Variants in ZBED3 observed in about 807,000 individuals in gnomAD.
The protein encoded by ZBED3 is zinc finger BED-type containing 3, also known as zinc finger BED domain-containing protein 3.
For synonymous variants in ZBED3, 175 were observed against 180.0 expected (o/e 0.97, Z 0.22); for missense variants, 388 against 362.9 (o/e 1.07, Z -0.56).
Position 77,076,998 on chromosome 5 carries a change from G to A in ZBED3, c.*176C>T, listed in dbSNP as rs1743017738. 6.4e-6 allele frequency: 3 copies of A among 466,264 alleles called. No homozygotes were observed. Among genetic ancestry groups the A allele is most frequent in the Non-Finnish European group, 6.9e-6 (2 of 289,710 alleles). 28.9% of individuals were successfully genotyped at this position (466,264 alleles called of 1,614,324 possible). On this transcript the variant is annotated 3_prime_UTR_variant, in exon 3 of 3. Coordinates refer to ENST00000255198, the MANE Select transcript of ZBED3 (RefSeq NM_032367.4). ...TGAGTTTTGGTTCTGCTCTGGCTTC[G>A]AAGTGCTTCTCAAGCTGAAGCCTTA...
At chr5:77,080,798 G>A (rs960177570) in intron 1 of ZBED3, among the ~76,000 whole-genome samples, 3 of 152,226 alleles carry the variant, frequency 2.0e-5, no homozygotes, top group South Asian at 2.1e-4. Context: ...GTGGGGTGGC[G>A]TGGGAGGGAT....
Position 77,075,934 on chromosome 5 carries a change from A to ATT in ZBED3, c.*1238_*1239dup, listed in dbSNP as rs1233808881. 1,672 of 55,216 alleles carry ATT rather than the reference A, an allele frequency of 0.03. 319 individuals are homozygous for ATT. The highest frequency in any genetic ancestry group is 0.063 in the East Asian group (138 of 2,180). 3.4% of individuals were successfully genotyped at this position (55,216 alleles called of 1,614,324 possible). On this transcript the variant is annotated 3_prime_UTR_variant, in exon 3 of 3. Transcript: ENST00000255198. ...TGACATGCACCCTAGAACTTAAAGT[A>ATT]TTATATATACATATATATATATATA...
chr5:77,084,154 T>C lies in ZBED3; in HGVS notation c.-153+2957A>G, dbSNP rs542164543. Reference sequence around the variant, plus strand: ...CAAGCATTCCAAGAGGAACGTCACATAGTCTTTGCCCTCAGGAAGCGTACG... The same window carrying C: ...CAAGCATTCCAAGAGGAACGTCACACAGTCTTTGCCCTCAGGAAGCGTACG... On this transcript the variant is annotated intron_variant, in intron 1 of 2. Coordinates refer to ENST00000255198, the MANE Select transcript of ZBED3 (RefSeq NM_032367.4). Among the ~76,000 whole-genome samples, 9 of 152,178 alleles carry C rather than the reference T, an allele frequency of 5.9e-5. 1 individual carries two copies. The highest frequency in any genetic ancestry group is 1.3e-4 in the Non-Finnish European group (9 of 68,036).
rs1347543493 is a variant in ZBED3 at position 77,077,570 on chromosome 5, GC to G, written c.308del (p.Ser103ThrfsTer97). The G allele has an allele frequency of 7.8e-7, 1 of 1,287,860 alleles. No homozygotes were observed. Among genetic ancestry groups the G allele is most frequent in the Non-Finnish European group, 9.8e-7 (1 of 1,019,096 alleles). 79.8% of individuals were successfully genotyped at this position (1,287,860 alleles called of 1,614,324 possible). ...LRSAHRRELE[S>X]SGAGSSPPAA... The stretch of plus-strand genomic sequence containing the variant: ...CAGGTGGGGAGCTCCCGGCGCCGCT[GC>G]TCTCCAGCTCCCGCCGGTGCGCGCT... On this transcript the variant is annotated frameshift_variant, in exon 3 of 3. Coordinates refer to ENST00000255198, the MANE Select transcript of ZBED3 (RefSeq NM_032367.4). LOFTEE classifies it low-confidence loss of function (END_TRUNC).
At position 77,075,969 on chromosome 5, in the gene ZBED3, A is replaced by ATGTATATATGTATATATATG. The variant is rs1554048027; in HGVS notation, c.*1204_*1205insCATATATATACATATATACA. 5.0e-5 allele frequency: 1 copy of ATGTATATATGTATATATATG among 20,146 alleles called. No individual in the cohort carries two copies. The highest frequency in any genetic ancestry group is 9.9e-5 in the Non-Finnish European group (1 of 10,134). 1.2% of individuals were successfully genotyped at this position (20,146 alleles called of 1,614,324 possible). A position where few individuals can be genotyped will look rare whatever the true frequency, so the allele number is the denominator to read the frequency against. ...CATATATATATATATATATATATGT[A>ATGTATATATGTATATATATG]TATGTATATATGTATATATATATGT... On this transcript the variant is annotated 3_prime_UTR_variant, in exon 3 of 3. Coordinates refer to ENST00000255198, the MANE Select transcript of ZBED3 (RefSeq NM_032367.4).
In ZBED3 at chr5:77,077,400, C is replaced by T. The variant is rs1256859897; in HGVS notation, c.479G>A (p.Gly160Asp). ...CCGCCTCCGCTCCAGGGCGCGCTCGCCCTGCTCCACGGCCAGCTCGCGCCG... is the reference window on the plus strand; with the variant it reads ...CCGCCTCCGCTCCAGGGCGCGCTCGTCCTGCTCCACGGCCAGCTCGCGCCG... ...LERRELAVEQ[G>D]ERALERRRRA... Residue 160 changes from glycine to aspartate, a missense_variant, in exon 3 of 3, where the codon GGC becomes GAC. Coordinates refer to ENST00000255198, the MANE Select transcript of ZBED3 (RefSeq NM_032367.4). 11 of 1,250,674 alleles carry T rather than the reference C, an allele frequency of 8.8e-6. No homozygotes were observed. The highest frequency in any genetic ancestry group is 1.6e-5 in the African/African-American group (1 of 63,544). 77.5% of individuals were successfully genotyped at this position (1,250,674 alleles called of 1,614,324 possible). A position where few individuals can be genotyped will look rare whatever the true frequency, so the allele number is the denominator to read the frequency against.
Position 77,077,722 on chromosome 5 carries a change from G to A in ZBED3, c.157C>T (p.His53Tyr). The A allele has an allele frequency of 7.4e-7, 1 of 1,351,408 alleles. No individual in the cohort carries two copies. The highest frequency in any genetic ancestry group is 9.5e-7 in the Non-Finnish European group (1 of 1,056,480). The allele number at this position is 1,351,408 out of a possible 1,614,324, so 83.7% of individuals were successfully genotyped here. Reference sequence around the variant, plus strand: ...TGCCCGGGGCGCCCCGGCGCCAGGTGGAAGTAGCCCCAGGCCTCGGAGTAT... The same window carrying A: ...TGCCCGGGGCGCCCCGGCGCCAGGTAGAAGTAGCCCCAGGCCTCGGAGTAT... ...APYSEAWGYF[H>Y]LAPGRPGHPS... Residue 53 changes from histidine (H) to tyrosine (Y), a missense_variant, in exon 3 of 3, where the codon CAC (histidine) becomes TAC (tyrosine). Coordinates refer to ENST00000255198, the MANE Select transcript of ZBED3 (RefSeq NM_032367.4).
intron 2 of ZBED3, among the ~76,000 whole-genome samples, chr5:77,078,167 CG>C (rs1743064525): frequency 6.6e-6 from 1 of 152,186 alleles, no homozygotes; most frequent in Non-Finnish European, 1.5e-5. Flanking sequence ...ATTCTAATAG[CG>C]GGAGGCTAAG....
chr5:77,081,652 CATGTCATTAATTCTGTGGTTAGCTA>C (rs1401250258), intron 1 of ZBED3, among the ~76,000 whole-genome samples: 1 of 152,094 alleles, frequency 6.6e-6, no homozygotes, highest in Non-Finnish European at 1.5e-5. Flanking sequence ...AATGAGAATG[CATGTCATTAATTCTGTGGTTAGCTA>C]ATAAGAAGAA....
intron 1 of ZBED3, among the ~76,000 whole-genome samples, chr5:77,083,258 C>T (rs1743168287): frequency 6.6e-6 from 1 of 152,230 alleles, no homozygotes; most frequent in Admixed American, 6.5e-5. Context: ...CATGGGGAAG[C>T]CCACTGCTGC....
chr5:77,079,987 T>A (rs866767724), intron 1 of ZBED3, among the ~76,000 whole-genome samples: 1 of 152,236 alleles, frequency 6.6e-6, no homozygotes, highest in Non-Finnish European at 1.5e-5. Context: ...TTGAATCTGA[T>A]CTTTCCTGAG....
intron 1 of ZBED3, among the ~76,000 whole-genome samples, chr5:77,079,963 T>C (rs1461864080): frequency 6.6e-6 from 1 of 152,236 alleles, no homozygotes; most frequent in East Asian, 1.9e-4. Flanking sequence ...TTAAAATTTC[T>C]ATTTCCTTCT....
At chr5:77,084,866 T>C (rs1743206512) in intron 1 of ZBED3, among the ~76,000 whole-genome samples, 1 of 152,242 alleles carries the variant, frequency 6.6e-6, no homozygotes, top group East Asian at 1.9e-4. Context: ...TCCAAGCTCC[T>C]ATTTTAAAAG....
In ZBED3 at chr5:77,075,935, T is replaced by TTTTATATATATA. The variant is rs1554047999; in HGVS notation, c.*1238_*1239insTATATATATAAA. The TTTTATATATATA allele has an allele frequency of 1.9e-4, 4 of 21,164 alleles. 1 individual carries two copies. Among genetic ancestry groups the TTTTATATATATA allele is most frequent in the East Asian group, 1.7e-3 (2 of 1,184 alleles). The allele number at this position is 21,164 out of a possible 1,614,324, so 1.3% of individuals were successfully genotyped here. A position where few individuals can be genotyped will look rare whatever the true frequency, so the allele number is the denominator to read the frequency against. On this transcript the variant is annotated 3_prime_UTR_variant, in exon 3 of 3. Transcript: ENST00000255198. ...GACATGCACCCTAGAACTTAAAGTA[T>TTTTATATATATA]TATATATACATATATATATATATAT...
intron 1 of ZBED3, among the ~76,000 whole-genome samples, chr5:77,079,983 C>T (rs1743097462): frequency 6.6e-6 from 1 of 152,124 alleles, no homozygotes; most frequent in Non-Finnish European, 1.5e-5. Context: ...TATATTGAAT[C>T]TGATCTTTCC....
intron 2 of ZBED3, 56 bp from the exon 3 acceptor site, chr5:77,077,951 G>A: frequency 8.5e-7 from 1 of 1,173,978 alleles, no homozygotes; most frequent in Non-Finnish European, 1.1e-6. Context: ...ACAGCTCCTA[G>A]ACTACAGTTA....
Position 77,074,479 on chromosome 5 carries a change from T to C in ZBED3, c.*2695A>G, listed in dbSNP as rs1742937389. 6.6e-6 allele frequency: 1 copy of C among 152,188 alleles called. No individual in the cohort carries two copies. Among genetic ancestry groups the C allele is most frequent in the Non-Finnish European group, 1.5e-5 (1 of 68,052 alleles). The allele number at this position is 152,188 out of a possible 1,614,324, so 9.4% of individuals were successfully genotyped here. On this transcript the variant is annotated 3_prime_UTR_variant, in exon 3 of 3. Coordinates refer to ENST00000255198, the MANE Select transcript of ZBED3 (RefSeq NM_032367.4). ...AGCGAGACCACAGATTCTTAGCCAC[T>C]GTATGACTTGAAGGTGATACTAACT...
chr5:77,080,788 G>A lies in ZBED3; in HGVS notation c.-152-2060C>T, dbSNP rs576427992. Among the ~76,000 whole-genome samples the A allele has an allele frequency of 9.8e-5, 15 of 152,336 alleles. 1 individual carries two copies. In the South Asian group the frequency reaches 2.5e-3, roughly 25 times the overall value. ...GGAACATCACACACAGGGGCCTGTC[G>A]TGGGGTGGCGTGGGAGGGATAGCAT... On this transcript the variant is annotated intron_variant, in intron 1 of 2. Coordinates refer to ENST00000255198, the MANE Select transcript of ZBED3 (RefSeq NM_032367.4).
Position 77,077,071 on chromosome 5 carries a change from G to A in ZBED3, c.*103C>T. 2.3e-6 allele frequency: 2 copies of A among 857,732 alleles called. No individual in the cohort carries two copies. Among genetic ancestry groups the A allele is most frequent in the Non-Finnish European group, 3.1e-6 (2 of 639,076 alleles). The allele number at this position is 857,732 out of a possible 1,614,324, so 53.1% of individuals were successfully genotyped here. ...AGCTGGAGCTTCCGAGTGAGTAGCG[G>A]CTGCGGGCCTGGCTTCGGTTACGGC... is the stretch of plus-strand genomic sequence containing the variant. On this transcript the variant is annotated 3_prime_UTR_variant, in exon 3 of 3. Transcript: ENST00000255198.
Sources: allele counts gnomAD v4.1 joint callset (sites outside exome capture counted in the v4.1 genomes callset), GRCh38; gene constraint gnomAD v4.1.1; transcripts MANE v1.5; gene names NCBI Gene and HGNC (gene_info 2026-07-23, HGNC 2026-07-21).